Variants in CRYAB observed in about 807,000 individuals in gnomAD.
The protein encoded by CRYAB is alpha-crystallin B chain.
Under a neutral mutation model 12.7 loss-of-function variants are expected in CRYAB, and 9 were observed. That is an observed-to-expected ratio of 0.71 (90% CI 0.43 to 1.24). CRYAB has a LOEUF of 1.24. CRYAB is among the 50% of genes most tolerant of loss of function. CRYAB has a pLI of 0.00. For missense variants in CRYAB, 183 were observed against 226.6 expected, an observed-to-expected ratio of 0.81 and a Z score of 1.24; for synonymous variants, 93 against 86.8, an observed-to-expected ratio of 1.07 and a Z score of -0.40.
At chr11:111,909,077 A>G in intron 2 of CRYAB, 110 bp from the exon 3 acceptor site, 1 of 1,065,618 alleles carries the variant, frequency 9.4e-7, no homozygotes, top group Non-Finnish European at 1.4e-6. Flanking sequence ...AAATGCCATG[A>G]CAACATAGGA....
chr11:111,909,671 G>T (rs1555165337), intron 2 of CRYAB: 1 of 205,940 alleles, frequency 4.9e-6, no homozygotes, highest in East Asian at 1.2e-4. Flanking sequence ...TACCACATGG[G>T]CTGTAGGGGA....
Position 111,911,576 on chromosome 11 carries a change from C to T in CRYAB, c.149G>A (p.Arg50Gln), listed in dbSNP as rs781846534. Residue 50 changes from arginine (R) to glutamine (Q), a missense_variant, in exon 1 of 3, where the codon CGG becomes CAG. Physicochemically the swap from Arg to Gln is conservative, Grantham distance 43. Around this residue, in one of 3 missense-constraint regions of CRYAB, gnomAD observed 86 missense variants for 96.1 expected, o/e 0.89. Transcript: ENST00000650687. Reference protein sequence around the residue: ...TSTSLSPFYLRPPSFLRAPSW... With the variant: ...TSTSLSPFYLQPPSFLRAPSW... ...GGGTGCCCGCAGGAAGGAGGGTGGC[C>T]GAAGGTAGAAGGGACTCAGGGAAGT... The T allele has an allele frequency of 5.6e-6, 9 of 1,612,922 alleles. No homozygotes were observed. Among genetic ancestry groups the T allele is most frequent in the East Asian group, 4.5e-5 (2 of 44,872 alleles).
At chr11:111,909,082 A>G (rs948978429) in intron 2 of CRYAB, 115 bp from the exon 3 acceptor site, 31 of 1,011,632 alleles carry the variant, frequency 3.1e-5, no homozygotes, top group Admixed American at 3.9e-5. Flanking sequence ...CCATGACAAC[A>G]TAGGAAAAAT....
upstream of CRYAB, chr11:111,913,801 A>G (rs782241905): frequency 6.2e-7 from 1 of 1,614,154 alleles, no homozygotes; most frequent in East Asian, 2.2e-5. Flanking sequence ...GGTGGCCGAC[A>G]TTTGGACACA....
At position 111,911,639 on chromosome 11, in the gene CRYAB, C is replaced by G. The variant is rs1965460969; in HGVS notation, c.86G>C (p.Gly29Ala). 1.2e-5 allele frequency: 20 copies of G among 1,611,590 alleles called. No homozygotes were observed. Among genetic ancestry groups the G allele is most frequent in the Non-Finnish European group, 1.7e-5 (20 of 1,179,086 alleles). The change falls in exon 1 of 3, where the codon GGA (glycine) becomes GCA (alanine). Residue 29 changes from glycine to alanine, a missense_variant. Transcript: ENST00000650687. Reference sequence around the variant, plus strand: ...AAGATCAGACTCCAACAGGTGCTCTCCGAAGAACTGGTCAAAGAGGCGGCT... The same window carrying G: ...AAGATCAGACTCCAACAGGTGCTCTGCGAAGAACTGGTCAAAGAGGCGGCT... ...SPSRLFDQFF[G>A]EHLLESDLFP...
chr11:111,912,870 C>A, upstream of CRYAB: 1 of 1,609,582 alleles, frequency 6.2e-7, no homozygotes, highest in Non-Finnish European at 8.5e-7. Flanking sequence ...CCGGCCACCG[C>A]CGAGTACGAA....
intron 1 of CRYAB, among the ~76,000 whole-genome samples, chr11:111,920,633 G>A (rs1221038266): frequency 1.3e-5 from 2 of 151,874 alleles, no homozygotes; most frequent in Non-Finnish European, 2.9e-5. Context: ...GCGTGGTGGT[G>A]CGTGCTTGTA....
intron 1 of CRYAB, chr11:111,910,784 C>G: frequency 2.5e-6 from 1 of 399,976 alleles, no homozygotes; most frequent in Non-Finnish European, 4.7e-6. Context: ...GTCTGTGAGA[C>G]AAAGGCCTCT....
At chr11:111,909,025 T>C in intron 2 of CRYAB, 58 bp from the exon 3 acceptor site, 1 of 1,572,122 alleles carries the variant, frequency 6.4e-7, no homozygotes, top group Non-Finnish European at 8.7e-7. Flanking sequence ...TATTATCACC[T>C]GCCCAGAACT....
intron 1 of CRYAB, chr11:111,918,723 A>G (rs1213257103): frequency 1.5e-6 from 1 of 682,754 alleles, no homozygotes; most frequent in Non-Finnish European, 2.7e-6. Context: ...GGCTTCATCA[A>G]AAGACGCTTC....
chr11:111,913,534 G>C, upstream of CRYAB: 1 of 1,614,124 alleles, frequency 6.2e-7, no homozygotes, highest in South Asian at 1.1e-5. Context: ...AGCAGGGCAG[G>C]GGCCTCCGAG....
chr11:111,912,786 T>G, upstream of CRYAB: 3 of 1,441,964 alleles, frequency 2.1e-6, no homozygotes, highest in Non-Finnish European at 2.8e-6. Context: ...GCTGCGCCTG[T>G]TGGGGCTGCA....
chr11:111,909,631 A>T (rs1384187044), intron 2 of CRYAB: 1 of 202,960 alleles, frequency 4.9e-6, no homozygotes, highest in Non-Finnish European at 1.0e-5. Context: ...ACTCTCAAGC[A>T]TGTAGCCAAA....
chr11:111,922,474 G>A (rs996541855), intron 1 of CRYAB, among the ~76,000 whole-genome samples: 1 of 152,096 alleles, frequency 6.6e-6, no homozygotes, highest in Admixed American at 6.6e-5. Context: ...GCAACGAGCA[G>A]AAAATAAAAA....
At chr11:111,910,710 G>T in intron 1 of CRYAB, 2 of 537,734 alleles carry the variant, frequency 3.7e-6, no homozygotes, top group South Asian at 2.0e-5. Context: ...GGGACCAGTC[G>T]CAAGGATGGG....
chr11:111,923,139 A>T (rs1347102945), intron 1 of CRYAB, among the ~76,000 whole-genome samples: 1 of 152,242 alleles, frequency 6.6e-6, no homozygotes, highest in African/African-American at 2.4e-5. Flanking sequence ...GTGGCAAAGA[A>T]TTAGAAGATT....
chr11:111,912,954 C>G, upstream of CRYAB: 3 of 1,465,550 alleles, frequency 2.0e-6, no homozygotes, highest in Non-Finnish European at 2.8e-6. Context: ...CCTTGCCCCC[C>G]ACCCCCACCC....
upstream of CRYAB, chr11:111,912,077 G>C (rs116253003): frequency 4.0e-5 from 11 of 277,472 alleles, no homozygotes; most frequent in East Asian, 3.2e-4. Flanking sequence ...CACGCGGGGT[G>C]GGGGGAGGAT....
At chr11:111,919,105 C>T in intron 1 of CRYAB, 2 of 1,299,950 alleles carry the variant, frequency 1.5e-6, no homozygotes, top group Non-Finnish European at 2.2e-6. Context: ...GCCAGCCTCC[C>T]ACTGCCACCT....
Sources: allele counts gnomAD v4.1 joint callset (sites outside exome capture counted in the v4.1 genomes callset), GRCh38; gene constraint gnomAD v4.1.1; regional missense constraint gnomAD v4.1.1; transcripts MANE v1.5; gene names NCBI Gene and HGNC (gene_info 2026-07-23, HGNC 2026-07-21).